The following EHBP1 variants were observed in gnomAD, a reference collection of about 807,000 sequenced individuals.
EHBP1 encodes EH domain binding protein 1, also known as EH domain-binding protein 1.
In EHBP1, 55 loss-of-function variants were observed where a neutral mutation model predicts 144.0. The ratio of observed to expected loss-of-function variants is 0.38; its 90% CI spans 0.31 to 0.48. The LOEUF (loss-of-function observed/expected upper bound fraction) is 0.48. Ranked by LOEUF, EHBP1 falls within the 20% of genes least tolerant of loss-of-function variation. The probability of loss-of-function intolerance (pLI) is 0.98; values close to 1 mark genes in which losing one functional copy is unlikely to be tolerated. For missense variants in EHBP1, 1,200 were observed against 1,364.2 expected (o/e 0.88, Z 1.90); for synonymous variants, 469 against 472.7 (o/e 0.99, Z 0.10).
At chr2:62,764,068 C>G (rs1175341661) in intron 3 of EHBP1, among the ~76,000 whole-genome samples, 198 bp from the exon 4 acceptor site, 1 of 151,970 alleles carries the variant, frequency 6.6e-6, no homozygotes, top group African/African-American at 2.4e-5. Context: ...ACTATCTTGG[C>G]CCAAGCTTAA....
intron 5 of EHBP1, among the ~76,000 whole-genome samples, chr2:62,818,930 T>C (rs1057193200): frequency 1.9e-4 from 29 of 152,196 alleles, no homozygotes; most frequent in African/African-American, 7.0e-4. Flanking sequence ...TTAGATGAGA[T>C]GGATAAATTC....
chr2:63,020,980 ATTTTTT>A (rs761382729), intron 19 of EHBP1, among the ~76,000 whole-genome samples: 4 of 68,572 alleles, frequency 5.8e-5, no homozygotes, highest in South Asian at 6.3e-4. Context: ...GCCTGGCCTC[ATTTTTT>A]TTTTTTTTTT....
At chr2:62,713,845 T>A (rs72888921) in intron 2 of EHBP1, among the ~76,000 whole-genome samples, 2,488 of 152,346 alleles carry the variant, frequency 0.016, 65 homozygotes, top group African/African-American at 0.056. Context: ...TGATTTTTTT[T>A]AAATTGTAAT....
intron 10 of EHBP1, among the ~76,000 whole-genome samples, chr2:62,877,605 A>G (rs1042557693): frequency 6.6e-6 from 1 of 152,196 alleles, no homozygotes; most frequent in South Asian, 2.1e-4. Context: ...TCATAACACA[A>G]TTCTCAAAAA....
intron 15 of EHBP1, among the ~76,000 whole-genome samples, chr2:62,990,356 G>A (rs931063807): frequency 6.6e-6 from 1 of 152,038 alleles, no homozygotes; most frequent in Non-Finnish European, 1.5e-5. Flanking sequence ...AAAATGAAAT[G>A]TATCTCTTCT....
chr2:62,801,871 T>C (rs2044017317), intron 5 of EHBP1, among the ~76,000 whole-genome samples: 1 of 152,232 alleles, frequency 6.6e-6, no homozygotes. Flanking sequence ...TGTGCTGAGA[T>C]TTGTACTAAA....
At chr2:62,694,457 T>C (rs1421565690) in intron 1 of EHBP1, among the ~76,000 whole-genome samples, 2 of 150,918 alleles carry the variant, frequency 1.3e-5, no homozygotes, top group Non-Finnish European at 2.9e-5. Context: ...ATCAGAAAAA[T>C]TAAGGCTAGA....
chr2:63,024,389 C>T (rs899130058), intron 19 of EHBP1, among the ~76,000 whole-genome samples: 1 of 151,848 alleles, frequency 6.6e-6, no homozygotes, highest in Non-Finnish European at 1.5e-5. Context: ...AGATTACTTG[C>T]GCCTAGGTGT....
intron 3 of EHBP1, among the ~76,000 whole-genome samples, chr2:62,758,424 T>C (rs1245744363): frequency 6.6e-6 from 1 of 152,192 alleles, no homozygotes; most frequent in Non-Finnish European, 1.5e-5. Context: ...TAATTTTTGA[T>C]TGAGAGAATA....
At chr2:62,882,746 G>GTGGC (rs1558850799) in intron 10 of EHBP1, among the ~76,000 whole-genome samples, 1 of 152,150 alleles carries the variant, frequency 6.6e-6, no homozygotes. Flanking sequence ...GCCAGGTGTG[G>GTGGC]TGGCGCATGC....
At chr2:62,844,450 G>C (rs961622350) in intron 7 of EHBP1, among the ~76,000 whole-genome samples, 4 of 152,150 alleles carry the variant, frequency 2.6e-5, no homozygotes, top group African/African-American at 9.7e-5. Context: ...CTGAAATGTA[G>C]CAGGAGTGAT....
intron 10 of EHBP1, among the ~76,000 whole-genome samples, chr2:62,875,368 C>T (rs774230074): frequency 1.8e-4 from 27 of 152,178 alleles, no homozygotes; most frequent in Non-Finnish European, 3.1e-4. Flanking sequence ...ATGCAGCCCA[C>T]GAGTGCTGAG....
At chr2:62,986,537 G>C (rs529241733) in intron 15 of EHBP1, among the ~76,000 whole-genome samples, 1 of 151,012 alleles carries the variant, frequency 6.6e-6, no homozygotes, top group African/African-American at 2.4e-5. Flanking sequence ...CCACCTTCTG[G>C]TTTTAAGCCA....
intron 19 of EHBP1, among the ~76,000 whole-genome samples, chr2:63,000,116 C>T (rs1260353590): frequency 6.6e-6 from 1 of 152,126 alleles, no homozygotes; most frequent in African/African-American, 2.4e-5. Flanking sequence ...TGGGTGGGGC[C>T]TGGATGGTGG....
At chr2:62,898,904 T>C (rs1490449479) in intron 10 of EHBP1, among the ~76,000 whole-genome samples, 1 of 152,118 alleles carries the variant, frequency 6.6e-6, no homozygotes, top group Non-Finnish European at 1.5e-5. Context: ...ATAGACTAAG[T>C]TTTAGCTTCT....
chr2:62,938,275 G>T (rs889012954), intron 10 of EHBP1, among the ~76,000 whole-genome samples: 4 of 152,210 alleles, frequency 2.6e-5, no homozygotes, highest in Non-Finnish European at 1.5e-5. Context: ...GGAATCATCT[G>T]CATGGAAGTA....
At chr2:63,037,057 T>A (rs928323507) in intron 19 of EHBP1, among the ~76,000 whole-genome samples, 1 of 151,964 alleles carries the variant, frequency 6.6e-6, no homozygotes, top group South Asian at 2.1e-4. Context: ...GTCATATATA[T>A]CTCTAGTTTA....
In EHBP1 at chr2:62,823,457, T is replaced by A. The variant is rs1051958651; in HGVS notation, c.313-2630T>A. 9.2e-5 allele frequency among the ~76,000 whole-genome samples: 14 copies of A among 152,192 alleles called. 1 individual carries two copies. In the South Asian group the frequency reaches 1.9e-3, roughly 20 times the overall value. ...GGACCCTGGCAGCAATAATAGTAAT[T>A]CTCTCTAAACTCTCTCTCTCTCCCT... On this transcript the variant is annotated intron_variant, in intron 5 of 22. Transcript: ENST00000431489.
intron 10 of EHBP1, among the ~76,000 whole-genome samples, chr2:62,908,033 A>G (rs2053936511): frequency 6.6e-6 from 1 of 152,090 alleles, no homozygotes; most frequent in African/African-American, 2.4e-5. Flanking sequence ...GACTGGGTTC[A>G]TTTCTTCTTT....
Sources: allele counts gnomAD v4.1 joint callset (sites outside exome capture counted in the v4.1 genomes callset), GRCh38; gene constraint gnomAD v4.1.1; transcripts MANE v1.5; gene names NCBI Gene and HGNC (gene_info 2026-07-23, HGNC 2026-07-21).